Variants in CTIF observed in about 807,000 individuals in gnomAD.
CTIF encodes the protein cap binding complex dependent translation initiation factor.
CTIF carries 21 observed loss-of-function variants against 66.0 expected under a neutral mutation model. The ratio of observed to expected loss-of-function variants is 0.32; its 90% CI spans 0.23 to 0.46. The LOEUF (loss-of-function observed/expected upper bound fraction) is 0.46. CTIF is among the 20% of genes least tolerant of loss of function. The probability of loss-of-function intolerance (pLI) is 1.00; values close to 1 mark genes in which losing one functional copy is unlikely to be tolerated. For missense variants in CTIF, 739 were observed against 812.7 expected (o/e 0.91, Z 1.10); for synonymous variants, 345 against 326.4 (o/e 1.06, Z -0.62).
At chr18:48,638,324 G>T (rs1050764411) in intron 3 of CTIF, among the ~76,000 whole-genome samples, 1 of 152,294 alleles carries the variant, frequency 6.6e-6, no homozygotes, top group African/African-American at 2.4e-5. Flanking sequence ...GCTCTCTGCT[G>T]TTTGGTCAGC....
chr18:48,676,209 C>T (rs60095808), intron 6 of CTIF, among the ~76,000 whole-genome samples: 1 of 152,196 alleles, frequency 6.6e-6, no homozygotes, highest in African/African-American at 2.4e-5. Context: ...CCTCGGCGCC[C>T]TGCGGAAATG....
Position 48,636,638 on chromosome 18 carries a change from C to G in CTIF, c.205C>G (p.Leu69Val), listed in dbSNP as rs1400004672. Residue 69 changes from leucine (L) to valine (V), a missense_variant, in exon 3 of 12, where the codon CTG becomes GTG. Around this residue, in one of 2 missense-constraint regions of CTIF, gnomAD observed 529 missense variants for 520.3 expected, o/e 1.02. Coordinates refer to ENST00000256413, the MANE Select transcript of CTIF (RefSeq NM_014772.3). ...SQWTADCSEPLDSSCSFSRGR... is the reference protein window; with the variant it reads ...SQWTADCSEPVDSSCSFSRGR... The stretch of plus-strand genomic sequence containing the variant: ...GTGGACAGCGGACTGCAGCGAACCG[C>G]TGGACAGCAGCTGTTCCTTCTCCCG... The G allele has an allele frequency of 6.3e-7, 1 of 1,596,256 alleles. No homozygotes were observed. The highest frequency in any genetic ancestry group is 2.3e-5 in the East Asian group (1 of 43,706).
At chr18:48,668,707 A>G (rs1002484826) in intron 5 of CTIF, among the ~76,000 whole-genome samples, 2 of 151,806 alleles carry the variant, frequency 1.3e-5, no homozygotes, top group East Asian at 3.9e-4. Context: ...TCAGCCTGGG[A>G]CATCCTCCCA....
intron 1 of CTIF, among the ~76,000 whole-genome samples, chr18:48,611,359 C>A (rs2090304763): frequency 6.6e-6 from 1 of 152,242 alleles, no homozygotes; most frequent in Non-Finnish European, 1.5e-5. Flanking sequence ...ATCATAATAA[C>A]CTGTGGAGGT....
At chr18:48,626,661 T>G (rs1439419357) in intron 2 of CTIF, among the ~76,000 whole-genome samples, 77 of 147,420 alleles carry the variant, frequency 5.2e-4, no homozygotes, top group Admixed American at 1.7e-3. Context: ...TTTTTGTTTT[T>G]TTTTTTTTTT....
chr18:48,851,690 C>G (rs898672416), intron 10 of CTIF, among the ~76,000 whole-genome samples: 1 of 152,134 alleles, frequency 6.6e-6, no homozygotes, highest in Non-Finnish European at 1.5e-5. Flanking sequence ...CTGAGCAGCC[C>G]CACTGTGTCA....
At chr18:48,791,746 A>G (rs767674497) in intron 9 of CTIF, among the ~76,000 whole-genome samples, 1 of 152,176 alleles carries the variant, frequency 6.6e-6, no homozygotes, top group Admixed American at 6.5e-5. Flanking sequence ...GAACCTGTTC[A>G]TAGTCATCCC....
intron 5 of CTIF, among the ~76,000 whole-genome samples, chr18:48,670,326 C>T (rs893887493): frequency 2.0e-5 from 3 of 152,198 alleles, no homozygotes; most frequent in Non-Finnish European, 4.4e-5. Flanking sequence ...CTTGGTGTCT[C>T]TGTCCACTGA....
intron 7 of CTIF, among the ~76,000 whole-genome samples, chr18:48,742,343 C>T (rs556142617): frequency 2.6e-5 from 4 of 152,250 alleles, no homozygotes; most frequent in African/African-American, 7.2e-5. Flanking sequence ...CAGGGTGCCC[C>T]GGGATTCTTC....
intron 9 of CTIF, among the ~76,000 whole-genome samples, chr18:48,796,283 CCTG>C (rs1175972558): frequency 1.3e-5 from 2 of 152,186 alleles, no homozygotes; most frequent in African/African-American, 2.4e-5. Context: ...ATGCCATTCT[CCTG>C]CCTCAGCCTC....
At chr18:48,724,543 G>A (rs937154538) in intron 7 of CTIF, among the ~76,000 whole-genome samples, 2 of 152,258 alleles carry the variant, frequency 1.3e-5, no homozygotes, top group Non-Finnish European at 2.9e-5. Flanking sequence ...TGCAGGTTCT[G>A]CTGACTCCTT....
Position 48,663,771 on chromosome 18 carries a change from C to A in CTIF, c.272C>A (p.Ser91Tyr). The change falls in exon 4 of 12, where the codon TCT (serine) becomes TAT (tyrosine). Residue 91 changes from serine (S) to tyrosine (Y), a missense_variant. By Grantham distance (144) the Ser-to-Tyr change is moderately radical. Coordinates refer to ENST00000256413, the MANE Select transcript of CTIF (RefSeq NM_014772.3). ...TTCCAGAATGGCAGCAAAGACAACT[C>A]TCTGGACATGCTGGGCACGGACATC... ...PPQQNGSKDN[S>Y]LDMLGTDIWA... is the part of the protein sequence containing the mutation. The A allele has an allele frequency of 6.2e-7, 1 of 1,614,144 alleles. No homozygotes were observed. The highest frequency in any genetic ancestry group is 1.7e-4 in the Middle Eastern group (1 of 6,060).
chr18:48,770,328 C>T (rs966771020), intron 9 of CTIF, among the ~76,000 whole-genome samples: 2 of 151,928 alleles, frequency 1.3e-5, no homozygotes, highest in Non-Finnish European at 2.9e-5. Flanking sequence ...CACTGTGCCA[C>T]TGCGCCACTG....
intron 9 of CTIF, among the ~76,000 whole-genome samples, chr18:48,777,505 T>A (rs1029876710): frequency 1.3e-5 from 2 of 152,074 alleles, no homozygotes; most frequent in African/African-American, 4.8e-5. Flanking sequence ...GTAGTACTCA[T>A]TCCCATTTTA....
chr18:48,580,753 TGAG>T (rs1599178622), intron 1 of CTIF, among the ~76,000 whole-genome samples: 1 of 152,220 alleles, frequency 6.6e-6, no homozygotes, highest in African/African-American at 2.4e-5. Flanking sequence ...CCTCCCATCC[TGAG>T]GAGTTCTTTC....
intron 6 of CTIF, among the ~76,000 whole-genome samples, chr18:48,700,581 C>T (rs1047179590): frequency 6.6e-5 from 10 of 152,330 alleles, no homozygotes; most frequent in Middle Eastern, 6.8e-3. Flanking sequence ...CTGCCCTGTG[C>T]GAACGTGACT....
intron 6 of CTIF, among the ~76,000 whole-genome samples, chr18:48,706,948 C>T (rs1375008621): frequency 2.0e-5 from 3 of 152,188 alleles, no homozygotes; most frequent in Non-Finnish European, 2.9e-5. Context: ...AGCCAGGTCT[C>T]AGAGCTCAGG....
intron 1 of CTIF, among the ~76,000 whole-genome samples, chr18:48,593,543 G>A (rs981216068): frequency 2.0e-5 from 3 of 151,528 alleles, no homozygotes; most frequent in African/African-American, 2.4e-5. Context: ...CACAATGCCC[G>A]GCTAATTTTT....
chr18:48,804,776 C>A (rs1362308064), intron 9 of CTIF, among the ~76,000 whole-genome samples: 1 of 152,134 alleles, frequency 6.6e-6, no homozygotes, highest in African/African-American at 2.4e-5. Context: ...ATAACCAGAT[C>A]ACCCCTTCCC....
Sources: gnomAD v4.1 joint callset for allele counts (sites outside exome capture counted in the v4.1 genomes callset) on GRCh38, gnomAD v4.1.1 for gene constraint, gnomAD v4.1.1 regional missense constraint, MANE v1.5 for transcripts, NCBI Gene and HGNC (gene_info 2026-07-23, HGNC 2026-07-21) for gene names.